The following ANK3 variants were observed in gnomAD, a reference collection of about 807,000 sequenced individuals.
ANK3 encodes the protein ankyrin 3, also known as ankyrin-3.
In ANK3, 57 loss-of-function variants were observed where a neutral mutation model predicts 370.9. The observed-to-expected ratio is 0.15, with a 90% CI of 0.12 to 0.19. ANK3 has a LOEUF of 0.19. Ranked by LOEUF, ANK3 falls within the 10% of genes least tolerant of loss-of-function variation. The probability of loss-of-function intolerance (pLI) is 1.00; values close to 1 mark genes in which losing one functional copy is unlikely to be tolerated. For missense variants in ANK3, 4,439 were observed against 5,302.1 expected (o/e 0.84, Z 5.06); for synonymous variants, 1,929 against 1,946.3 (o/e 0.99, Z 0.23).
chr10:60,057,248 A>G (rs1254616544), intron 41 of ANK3, among the ~76,000 whole-genome samples: 2 of 152,152 alleles, frequency 1.3e-5, no homozygotes, highest in Non-Finnish European at 2.9e-5. Flanking sequence ...CTTAACTATT[A>G]AAACTCTTTC....
intron 18 of ANK3, among the ~76,000 whole-genome samples, chr10:60,176,191 A>AAAC (rs1555069259): frequency 1.2e-3 from 149 of 123,316 alleles, no homozygotes; most frequent in African/African-American, 4.1e-3. Flanking sequence ...AAAAAAAAAA[A>AAAC]AAAACAAAAA....
At chr10:60,172,167 G>C (rs1244295397) in intron 21 of ANK3, 141 bp downstream of exon 21, 13 of 613,340 alleles carry the variant, frequency 2.1e-5, no homozygotes, top group Non-Finnish European at 3.2e-5. Flanking sequence ...TTGCTATCCT[G>C]ACTACCAACA....
chr10:60,581,573 T>C (rs1186973138), intron 2 of ANK3, among the ~76,000 whole-genome samples: 1 of 151,842 alleles, frequency 6.6e-6, no homozygotes, highest in Non-Finnish European at 1.5e-5. Flanking sequence ...TACAGGCACC[T>C]GCCACCATGC....
intron 1 of ANK3, among the ~76,000 whole-genome samples, chr10:60,627,860 G>A (rs1263144074): frequency 2.6e-5 from 4 of 151,994 alleles, no homozygotes; most frequent in South Asian, 2.1e-4. Context: ...CACTAGTGTT[G>A]TTATCTTCAT....
At chr10:60,179,337 C>T (rs1041901580) in intron 18 of ANK3, among the ~76,000 whole-genome samples, 4 of 152,168 alleles carry the variant, frequency 2.6e-5, no homozygotes, top group Admixed American at 6.5e-5. Context: ...TGAAGTGAGA[C>T]GCTCTGCTCC....
At chr10:60,361,375 C>A (rs1224701928) in intron 1 of ANK3, among the ~76,000 whole-genome samples, 2 of 152,280 alleles carry the variant, frequency 1.3e-5, no homozygotes, top group East Asian at 3.9e-4. Context: ...CTTTGATACA[C>A]TAGAATTTCA....
At chr10:60,699,099 A>ATGATACAAGGGAATTT (rs2079510889) in intron 1 of ANK3, among the ~76,000 whole-genome samples, 2 of 141,152 alleles carry the variant, frequency 1.4e-5, no homozygotes, top group Non-Finnish European at 3.1e-5. Context: ...AGACATAAGA[A>ATGATACAAGGGAATTT]TGATACAAGG....
At chr10:60,647,973 G>A (rs904647522) in intron 1 of ANK3, among the ~76,000 whole-genome samples, 30 of 150,802 alleles carry the variant, frequency 2.0e-4, no homozygotes, top group Admixed American at 2.7e-4. Flanking sequence ...TCAGCCTCCC[G>A]AGTAGCTGGG....
chr10:60,086,008 G>C (rs980266216), intron 30 of ANK3, among the ~76,000 whole-genome samples: 101 of 152,244 alleles, frequency 6.6e-4, no homozygotes, highest in Admixed American at 5.5e-3. Context: ...GGGTAAAAAG[G>C]GGCATCAGCC....
At chr10:60,162,343 C>G (rs548221266) in intron 23 of ANK3, among the ~76,000 whole-genome samples, 15 of 152,280 alleles carry the variant, frequency 9.9e-5, no homozygotes, top group African/African-American at 3.6e-4. Flanking sequence ...TACAGAGTGT[C>G]AGACCAGTCT....
chr10:60,559,465 G>A (rs761045977), intron 2 of ANK3, among the ~76,000 whole-genome samples: 1 of 152,088 alleles, frequency 6.6e-6, no homozygotes, highest in African/African-American at 2.4e-5. Context: ...ATGAATGTGT[G>A]CCTACTTTTT....
rs573384959 is a variant in ANK3 at position 60,484,101 on chromosome 10, C to T, written c.96+131085G>A. Among the ~76,000 whole-genome samples the T allele has an allele frequency of 8.5e-5, 13 of 152,224 alleles. No homozygotes were observed. The South Asian group carries it at 2.7e-3, about 32-fold the overall frequency. On this transcript the variant is annotated intron_variant, in intron 2 of 43. Coordinates refer to the ANK3 transcript ENST00000373827. The stretch of plus-strand genomic sequence containing the variant: ...ATAAGCAATAATAAAGTATTGCTAA[C>T]ATTCACCACCAATGATGCTAAATAA...
intron 2 of ANK3, among the ~76,000 whole-genome samples, chr10:60,443,082 C>T (rs1595044841): frequency 6.6e-6 from 1 of 152,276 alleles, no homozygotes; most frequent in East Asian, 1.9e-4. Context: ...TCTTAGAGCT[C>T]AGGTCTTAGA....
intron 1 of ANK3, among the ~76,000 whole-genome samples, chr10:60,707,463 T>A (rs1473288338): frequency 2.0e-5 from 3 of 152,102 alleles, no homozygotes; most frequent in African/African-American, 7.2e-5. Flanking sequence ...TCTAAAATCA[T>A]CAAGAGAAAA....
At chr10:60,438,936 A>G (rs903036649) in intron 2 of ANK3, among the ~76,000 whole-genome samples, 1 of 152,194 alleles carries the variant, frequency 6.6e-6, no homozygotes, top group Non-Finnish European at 1.5e-5. Flanking sequence ...CTCTCCCCTA[A>G]GAGTCTTAAA....
chr10:60,309,333 G>C (rs760628040), intron 1 of ANK3, among the ~76,000 whole-genome samples: 7 of 152,176 alleles, frequency 4.6e-5, no homozygotes, highest in Non-Finnish European at 7.3e-5. Flanking sequence ...ATATAAATGT[G>C]AAGCATGCAA....
At chr10:60,096,159 C>T (rs578193829) in intron 28 of ANK3, among the ~76,000 whole-genome samples, 22 of 151,844 alleles carry the variant, frequency 1.4e-4, no homozygotes, top group Non-Finnish European at 2.8e-4. Context: ...GGTGACACAG[C>T]GAGACTCCAT....
At chr10:60,333,397 GTGTT>G (rs1203253544) in intron 1 of ANK3, among the ~76,000 whole-genome samples, 1 of 151,992 alleles carries the variant, frequency 6.6e-6, no homozygotes, top group East Asian at 1.9e-4. Context: ...AGAACATGCT[GTGTT>G]TGTTTTTCTG....
chr10:60,542,329 A>G (rs745624987), intron 2 of ANK3, among the ~76,000 whole-genome samples: 1 of 151,862 alleles, frequency 6.6e-6, no homozygotes, highest in East Asian at 1.9e-4. Flanking sequence ...CCCACATCCA[A>G]CCTTAATCTT....
Sources: allele counts gnomAD v4.1 joint callset (sites outside exome capture counted in the v4.1 genomes callset), GRCh38; gene constraint gnomAD v4.1.1; transcripts MANE v1.5; gene names NCBI Gene and HGNC (gene_info 2026-07-23, HGNC 2026-07-21).